The following PCCA variants were observed in gnomAD, a reference collection of about 807,000 sequenced individuals.
The protein encoded by PCCA is propionyl-CoA carboxylase subunit alpha.
In PCCA, 74 loss-of-function variants were observed where a neutral mutation model predicts 101.3. That is an observed-to-expected ratio of 0.73 (90% CI 0.61 to 0.89). The LOEUF (loss-of-function observed/expected upper bound fraction) is 0.89, where lower values mean the gene tolerates loss of function less well. PCCA is among the 40% of genes least tolerant of loss of function. The pLI is 0.00. For synonymous variants in PCCA, 294 were observed against 313.6 expected (o/e 0.94, Z 0.66); for missense variants, 891 against 907.0 (o/e 0.98, Z 0.23).
At chr13:100,501,235 CTTACGAGG>C (rs747569479) in intron 21 of PCCA, among the ~76,000 whole-genome samples, 122 of 152,314 alleles carry the variant, frequency 8.0e-4, no homozygotes, top group Admixed American at 1.2e-3. Flanking sequence ...TCTATGTAAA[CTTACGAGG>C]TACAAGTGTA....
At chr13:100,301,265 G>C (rs1405865375) in intron 12 of PCCA, among the ~76,000 whole-genome samples, 195 bp from the exon 13 acceptor site, 2 of 152,078 alleles carry the variant, frequency 1.3e-5, no homozygotes, top group Non-Finnish European at 2.9e-5. Context: ...TTAGGCCTTA[G>C]TTTTTCTTAT....
At chr13:100,237,746 TC>T (rs1208649819) in intron 8 of PCCA, among the ~76,000 whole-genome samples, 1 of 152,076 alleles carries the variant, frequency 6.6e-6, no homozygotes, top group East Asian at 1.9e-4. Flanking sequence ...TATTACAGTA[TC>T]TACATAAAGG....
chr13:100,424,086 A>AG (rs2078991129), intron 19 of PCCA, among the ~76,000 whole-genome samples: 1 of 152,230 alleles, frequency 6.6e-6, no homozygotes, highest in Non-Finnish European at 1.5e-5. Flanking sequence ...TGTACTGAAT[A>AG]GGTACTGCCT....
chr13:100,313,253 A>G (rs2067067876), intron 16 of PCCA, among the ~76,000 whole-genome samples: 1 of 152,162 alleles, frequency 6.6e-6, no homozygotes, highest in Non-Finnish European at 1.5e-5. Flanking sequence ...TAAGGGGAAG[A>G]CCATGTTCCT....
intron 1 of PCCA, among the ~76,000 whole-genome samples, chr13:100,100,593 T>C (rs1157403778): frequency 6.6e-6 from 1 of 152,224 alleles, no homozygotes; most frequent in African/African-American, 2.4e-5. Context: ...AACTTTATGT[T>C]GTGGCTTTAC....
At chr13:100,105,667 A>AC (rs1594105673) in intron 2 of PCCA, among the ~76,000 whole-genome samples, 2 of 149,454 alleles carry the variant, frequency 1.3e-5, no homozygotes, top group East Asian at 3.9e-4. Flanking sequence ...CAAAAAAAAA[A>AC]AAAAAAAAAA....
chr13:100,495,487 A>C (rs902578918), intron 21 of PCCA, among the ~76,000 whole-genome samples: 1 of 152,060 alleles, frequency 6.6e-6, no homozygotes, highest in Non-Finnish European at 1.5e-5. Context: ...AGTGCAGAAA[A>C]TTTTTTTTAA....
rs2056010156 is a variant in PCCA at position 100,174,230 on chromosome 13, C to G, written c.468+16890C>G. 3.3e-5 allele frequency among the ~76,000 whole-genome samples: 5 copies of G among 151,850 alleles called. No homozygotes were observed. The South Asian group carries it at 1.0e-3, about 32-fold the overall frequency. ...TTCTAATCACATGCCAGTAGGAGAT[C>G]AGCAAGCTGGGACTAGAACTCAGGT... is the stretch of plus-strand genomic sequence containing the variant. On this transcript the variant is annotated intron_variant, in intron 6 of 23. Coordinates refer to ENST00000376285, the MANE Select transcript of PCCA (RefSeq NM_000282.4).
chr13:100,112,505 T>C (rs1462505895), intron 4 of PCCA, among the ~76,000 whole-genome samples: 1 of 151,960 alleles, frequency 6.6e-6, no homozygotes, highest in Admixed American at 6.6e-5. Flanking sequence ...CTAATGCTAA[T>C]TGGATACAAA....
At chr13:100,526,255 C>T (rs3783184) in intron 22 of PCCA, among the ~76,000 whole-genome samples, 5 of 152,134 alleles carry the variant, frequency 3.3e-5, no homozygotes, top group South Asian at 2.1e-4. Context: ...AAACAGCCCT[C>T]GAGGCTGATT....
intron 6 of PCCA, among the ~76,000 whole-genome samples, chr13:100,180,250 A>G (rs1432745329): frequency 6.6e-6 from 1 of 152,198 alleles, no homozygotes; most frequent in Non-Finnish European, 1.5e-5. Flanking sequence ...TAAAGAAGAA[A>G]CAGTGCCCTA....
intron 21 of PCCA, among the ~76,000 whole-genome samples, chr13:100,476,289 T>A (rs2152961282): frequency 6.6e-6 from 1 of 152,358 alleles, no homozygotes; most frequent in Non-Finnish European, 1.5e-5. Flanking sequence ...TCTTGTTGCC[T>A]GTGAACTGAT....
chr13:100,489,389 G>A (rs944384917), intron 21 of PCCA, among the ~76,000 whole-genome samples: 2 of 152,216 alleles, frequency 1.3e-5, no homozygotes, highest in East Asian at 1.9e-4. Context: ...TGACTGAAGC[G>A]GAACTGACAG....
rs535094033 is a variant in PCCA at position 100,247,563 on chromosome 13, G to A, written c.638-10032G>A. 2.1e-4 allele frequency among the ~76,000 whole-genome samples: 31 copies of A among 146,880 alleles called. 1 individual carries two copies. In the South Asian group the frequency reaches 5.2e-3, roughly 25 times the overall value. ...AAGTCTCGCTCTGTCACCTAGGCTG[G>A]AGTGCATTGGCACAATCTGGGCTCA... On this transcript the variant is annotated intron_variant, in intron 8 of 23. Transcript: ENST00000376285.
At chr13:100,510,286 A>G (rs1010113107) in intron 21 of PCCA, among the ~76,000 whole-genome samples, 8 of 152,222 alleles carry the variant, frequency 5.3e-5, no homozygotes, top group Non-Finnish European at 1.2e-4. Context: ...GCCTGTGGCT[A>G]CATTTCTATC....
chr13:100,390,798 C>T (rs948889870), intron 19 of PCCA, among the ~76,000 whole-genome samples: 2 of 151,786 alleles, frequency 1.3e-5, no homozygotes, highest in African/African-American at 4.9e-5. Context: ...TGTAATGGGG[C>T]CAGAAATGAA....
chr13:100,225,933 A>G (rs1279431706), intron 7 of PCCA, among the ~76,000 whole-genome samples: 1 of 152,120 alleles, frequency 6.6e-6, no homozygotes, highest in Non-Finnish European at 1.5e-5. Context: ...CTGAGTTTAC[A>G]GGTGTGGGCT....
chr13:100,355,315 G>A (rs1449718831), intron 18 of PCCA, among the ~76,000 whole-genome samples: 2 of 152,082 alleles, frequency 1.3e-5, no homozygotes, highest in East Asian at 3.9e-4. Flanking sequence ...TCAGACTGAT[G>A]AGGAGCATGT....
At position 100,201,312 on chromosome 13, in the gene PCCA, T is replaced by C. The variant is rs147269488; in HGVS notation, c.469-8020T>C. ...TGAAGCTCATTCTCTAGTACAGGAG[T>C]GGGCAAACCTTTTCTGTAAGGAGCC... On this transcript the variant is annotated intron_variant, in intron 6 of 23. Coordinates refer to ENST00000376285, the MANE Select transcript of PCCA (RefSeq NM_000282.4). Among the ~76,000 whole-genome samples, 384 of 152,176 alleles carry C rather than the reference T, an allele frequency of 2.5e-3. 2 individuals carry two copies. The highest frequency in any genetic ancestry group is 9.0e-3 in the African/African-American group (374 of 41,528).
Sources: allele counts gnomAD v4.1 joint callset (sites outside exome capture counted in the v4.1 genomes callset), GRCh38; gene constraint gnomAD v4.1.1; transcripts MANE v1.5; gene names NCBI Gene and HGNC (gene_info 2026-07-23, HGNC 2026-07-21).